ARL9: variants seen among roughly 807,000 people sequenced by gnomAD.
ARL9 encodes ARF like GTPase 9.
Under a neutral mutation model 27.0 loss-of-function variants are expected in ARL9, and 14 were observed. The ratio of observed to expected loss-of-function variants is 0.52; its 90% CI spans 0.34 to 0.81. The LOEUF (loss-of-function observed/expected upper bound fraction) is 0.81. Among genes scored for constraint, ARL9 ranks in the 30% least tolerant of loss-of-function variants. The pLI, the probability that ARL9 is intolerant of heterozygous loss-of-function variation, is 0.01. For missense variants in ARL9, 294 were observed against 290.0 expected, an observed-to-expected ratio of 1.01 and a Z score of -0.10; for synonymous variants, 106 against 108.7, an observed-to-expected ratio of 0.98 and a Z score of 0.15.
chr4:56,509,738 TGC>T (rs1721582595), intron 1 of ARL9, among the ~76,000 whole-genome samples: 3 of 142,006 alleles, frequency 2.1e-5, no homozygotes, highest in Non-Finnish European at 4.5e-5. Context: ...GATGGAGCCT[TGC>T]TCTGTCGCCC....
intron 3 of ARL9, among the ~76,000 whole-genome samples, chr4:56,520,991 C>A (rs1721900528): frequency 6.6e-6 from 1 of 152,034 alleles, no homozygotes; most frequent in African/African-American, 2.4e-5. Context: ...GTGGTTGGAT[C>A]AGGAGGTCAG....
rs529124107 is a variant in ARL9 at position 56,509,668 on chromosome 4, G to A, written c.280-1517G>A. The stretch of plus-strand genomic sequence containing the variant: ...TCCTGCCTCAGCCTCCCAGATAGCT[G>A]GGATTACAGGCACCCACCACTGCAC... On this transcript the variant is annotated intron_variant, in intron 1 of 3. Coordinates refer to ENST00000640821, the MANE Select transcript of ARL9 (RefSeq NM_001363794.2). Among the ~76,000 whole-genome samples the A allele has an allele frequency of 1.0e-4, 15 of 149,440 alleles. No individual in the cohort carries two copies. In the East Asian group the frequency reaches 2.8e-3, roughly 27 times the overall value.
chr4:56,520,788 AC>A (rs2110154824), intron 3 of ARL9, among the ~76,000 whole-genome samples: 1 of 152,334 alleles, frequency 6.6e-6, no homozygotes, highest in African/African-American at 2.4e-5. Context: ...CTTTTCTCCT[AC>A]CACTTCTATG....
Position 56,509,678 on chromosome 4 carries a change from G to A in ARL9, c.280-1507G>A, listed in dbSNP as rs549190382. Among the ~76,000 whole-genome samples, 5 of 148,010 alleles carry A rather than the reference G, an allele frequency of 3.4e-5. No individual in the cohort carries two copies. In the East Asian group the frequency reaches 1.0e-3, roughly 30 times the overall value. On this transcript the variant is annotated intron_variant, in intron 1 of 3. Coordinates refer to ENST00000640821, the MANE Select transcript of ARL9 (RefSeq NM_001363794.2). ...GCCTCCCAGATAGCTGGGATTACAG[G>A]CACCCACCACTGCACTGGGCTAATT...
At position 56,523,895 on chromosome 4, in the gene ARL9, T is replaced by TCA. The variant is rs1722005390; in HGVS notation, c.*19_*20insCA. 2 of 1,603,378 alleles carry TCA rather than the reference T, an allele frequency of 1.2e-6. No homozygotes were observed. Among genetic ancestry groups the TCA allele is most frequent in the African/African-American group, 2.7e-5 (2 of 74,696 alleles). ...GCAGTGACCAGGACTCAGCCCACTG[T>TCA]GCGGCTCACGACTGAGATGTCATCA... On this transcript the variant is annotated 3_prime_UTR_variant, in exon 4 of 4. Transcript: ENST00000640821.
Position 56,524,095 on chromosome 4 carries a change from A to C in ARL9, c.*219A>C. ...ATTCAAAAAGTAAACCCACTGAAGA[A>C]TAATAACACAACAATAAAAATAATA... On this transcript the variant is annotated 3_prime_UTR_variant, in exon 4 of 4. Transcript: ENST00000640821. 1 of 451,384 alleles carries C rather than the reference A, an allele frequency of 2.2e-6. No individual in the cohort carries two copies. The highest frequency in any genetic ancestry group is 3.9e-6 in the Non-Finnish European group (1 of 256,704). The allele number at this position is 451,384 out of a possible 1,614,324, so 28.0% of individuals were successfully genotyped here. A position where few individuals can be genotyped will look rare whatever the true frequency, so the allele number is the denominator to read the frequency against.
At chr4:56,509,104 C>A (rs746065682) in intron 1 of ARL9, among the ~76,000 whole-genome samples, 1 of 152,136 alleles carries the variant, frequency 6.6e-6, no homozygotes, top group African/African-American at 2.4e-5. Context: ...GCACCCTGTA[C>A]GATCTTCACA....
At chr4:56,507,095 C>G (rs2110140627) in intron 1 of ARL9, among the ~76,000 whole-genome samples, 1 of 151,998 alleles carries the variant, frequency 6.6e-6, no homozygotes, top group South Asian at 2.1e-4. Context: ...CACGGATTAA[C>G]AGAGATTTGA....
chr4:56,523,353 C>G (rs1721981054), intron 3 of ARL9, among the ~76,000 whole-genome samples: 1 of 152,208 alleles, frequency 6.6e-6, no homozygotes, highest in African/African-American at 2.4e-5. Flanking sequence ...TGCGCCACTG[C>G]ACTCCAGCCT....
At chr4:56,509,571 G>A (rs1284205729) in intron 1 of ARL9, among the ~76,000 whole-genome samples, 1 of 148,040 alleles carries the variant, frequency 6.8e-6, no homozygotes, top group Non-Finnish European at 1.5e-5. Flanking sequence ...GTCTTGCTCT[G>A]TTGCCCAGGC....
intron 3 of ARL9, among the ~76,000 whole-genome samples, chr4:56,522,336 G>C (rs866835952): frequency 6.6e-6 from 1 of 151,546 alleles, no homozygotes; most frequent in Non-Finnish European, 1.5e-5. Context: ...CAGGGGAATC[G>C]CTTGAACCTG....
intron 2 of ARL9, among the ~76,000 whole-genome samples, chr4:56,513,946 G>C (rs1721706793): frequency 6.6e-6 from 1 of 152,152 alleles, no homozygotes; most frequent in Non-Finnish European, 1.5e-5. Flanking sequence ...GGGGCAGGTG[G>C]ATTACTTGAG....
chr4:56,517,589 T>A (rs73240555), intron 2 of ARL9, among the ~76,000 whole-genome samples: 20,591 of 152,158 alleles, frequency 0.14, 1,608 homozygotes, highest in Admixed American at 0.23. Context: ...TCTCCAAAAT[T>A]TAGACATGTA....
In ARL9 at chr4:56,516,983, T is replaced by C. The variant is rs529083741; in HGVS notation, c.443-1695T>C. Among the ~76,000 whole-genome samples the C allele has an allele frequency of 7.9e-5, 12 of 152,328 alleles. No individual in the cohort carries two copies. In the South Asian group the frequency reaches 1.9e-3, roughly 24 times the overall value. ...GGATGTGGATGTAGAGGAAACTTAC[T>C]GGCTATTAGCTGTTGGCAGAGTGTG... On this transcript the variant is annotated intron_variant, in intron 2 of 3. Transcript: ENST00000640821.
At chr4:56,513,667 T>C (rs1468804577) in intron 2 of ARL9, among the ~76,000 whole-genome samples, 3 of 152,120 alleles carry the variant, frequency 2.0e-5, no homozygotes, top group Non-Finnish European at 4.4e-5. Flanking sequence ...CCACAGTAGA[T>C]AAGCAAAGAG....
Position 56,505,941 on chromosome 4 carries a change from G to A in ARL9, c.79G>A (p.Glu27Lys), listed in dbSNP as rs150294934. Reference sequence around the variant, plus strand: ...GAAAATCGGAGAAAAGGGTAGGGAAGAGAAAGTGAAAAGAAAGGAGGTGGA... The same window carrying A: ...GAAAATCGGAGAAAAGGGTAGGGAAAAGAAAGTGAAAAGAAAGGAGGTGGA... ...EEKIGEKGRE[E>K]KVKRKEVEQK... Residue 27 changes from glutamate (E) to lysine (K), a missense_variant, in exon 1 of 4, where the codon GAG becomes AAG. Physicochemically the swap from Glu to Lys is moderately conservative, Grantham distance 56. Transcript: ENST00000640821. 0.032 allele frequency: 39,361 copies of A among 1,229,822 alleles called. 707 individuals carry two copies. The highest frequency in any genetic ancestry group is 0.044 in the South Asian group (1,120 of 25,196). 76.2% of individuals were successfully genotyped at this position (1,229,822 alleles called of 1,614,324 possible).
intron 1 of ARL9, among the ~76,000 whole-genome samples, chr4:56,509,024 G>A (rs1721547733): frequency 6.6e-6 from 1 of 152,096 alleles, no homozygotes; most frequent in Admixed American, 6.5e-5. Context: ...CCTATGAGCA[G>A]TCTGGCTATA....
At chr4:56,522,110 G>C (rs1721938131) in intron 3 of ARL9, among the ~76,000 whole-genome samples, 1 of 151,370 alleles carries the variant, frequency 6.6e-6, no homozygotes, top group Non-Finnish European at 1.5e-5. Context: ...AGCCCCACAG[G>C]CTCCAAGTGA....
At chr4:56,517,228 T>C (rs909133576) in intron 2 of ARL9, among the ~76,000 whole-genome samples, 2 of 152,220 alleles carry the variant, frequency 1.3e-5, no homozygotes, top group African/African-American at 4.8e-5. Context: ...AGCACTATTT[T>C]AACAAATTAA....
Sources: gnomAD v4.1 joint callset for allele counts (sites outside exome capture counted in the v4.1 genomes callset) on GRCh38, gnomAD v4.1.1 for gene constraint, MANE v1.5 for transcripts, NCBI Gene and HGNC (gene_info 2026-07-23, HGNC 2026-07-21) for gene names.